ATP5PO: variants seen among roughly 807,000 people sequenced by gnomAD.
ATP5PO encodes the protein ATP synthase peripheral stalk subunit OSCP, also known as ATP synthase peripheral stalk subunit OSCP, mitochondrial.
In ATP5PO, 14 loss-of-function variants were observed where a neutral mutation model predicts 26.2. The ratio of observed to expected loss-of-function variants is 0.53; its 90% CI spans 0.35 to 0.83. The LOEUF (loss-of-function observed/expected upper bound fraction) is 0.83, where lower values mean the gene tolerates loss of function less well. ATP5PO is among the 40% of genes least tolerant of loss of function. The pLI, the probability that ATP5PO is intolerant of heterozygous loss-of-function variation, is 0.01. For synonymous variants in ATP5PO, 106 were observed against 95.1 expected (o/e 1.12, Z -0.67); for missense variants, 241 against 258.5 (o/e 0.93, Z 0.46).
chr21:33,910,111 A>T (rs930122197), intron 3 of ATP5PO, among the ~76,000 whole-genome samples: 6 of 152,234 alleles, frequency 3.9e-5, no homozygotes, highest in African/African-American at 1.4e-4. Context: ...TCAGTGACCA[A>T]GTGCAGCTTC....
rs1234927044 is a variant in ATP5PO, at chr21:33,912,402, T to TA, written c.88-4_88-3insT. 1.2e-6 allele frequency: 2 copies of TA among 1,602,748 alleles called. No homozygotes were observed. Among genetic ancestry groups the TA allele is most frequent in the African/African-American group, 2.7e-5 (2 of 74,730 alleles). On this transcript the variant is annotated splice_polypyrimidine_tract_variant and splice_region_variant and intron_variant, in intron 2 of 6. Coordinates refer to ENST00000290299, the MANE Select transcript of ATP5PO (RefSeq NM_001697.3). Reference sequence around the variant, plus strand: ...ATACCGTATACCTGAACAGGAGGCTTTAAAAAAAAGGTGAAATAGGAGAGG... The same window carrying TA: ...ATACCGTATACCTGAACAGGAGGCTTATAAAAAAAAGGTGAAATAGGAGAGG...
Position 33,903,499 on chromosome 21 carries a change from T to C in ATP5PO, c.*27A>G. 1.3e-6 allele frequency: 2 copies of C among 1,587,190 alleles called. No homozygotes were observed. The highest frequency in any genetic ancestry group is 1.7e-6 in the Non-Finnish European group (2 of 1,158,368). On this transcript the variant is annotated 3_prime_UTR_variant, in exon 7 of 7. Coordinates refer to ENST00000290299, the MANE Select transcript of ATP5PO (RefSeq NM_001697.3). The stretch of plus-strand genomic sequence containing the variant: ...TATTGTTGCTCCAAGTTTAAGAATT[T>C]TCACTGATGGCAGAAAACCAACACT...
intron 5 of ATP5PO, 127 bp downstream of exon 5, chr21:33,907,210 GAAAC>G (rs752235794): frequency 5.6e-5 from 43 of 770,662 alleles, no homozygotes; most frequent in Non-Finnish European, 8.5e-5. Context: ...ATATAAAAAT[GAAAC>G]AAACATCCCA....
chr21:33,915,485 TC>T, intron 1 of ATP5PO: 1 of 567,004 alleles, frequency 1.8e-6, no homozygotes, highest in Non-Finnish European at 3.0e-6. Flanking sequence ...GCTAGCAGCT[TC>T]CAGGGGCTGT....
chr21:33,909,072 T>G lies in ATP5PO; in HGVS notation c.328+10A>C, dbSNP rs781375595. ...CAAGACACCTCAAATGAAAAAGTTC[T>G]AATACTCACTGATCAGATTGGTAGT... On this transcript the variant is annotated intron_variant, in intron 4 of 6. Transcript: ENST00000290299. 3.2e-5 allele frequency: 51 copies of G among 1,599,396 alleles called. 1 individual carries two copies. Among genetic ancestry groups the G allele is most frequent in the Non-Finnish European group, 4.0e-5 (47 of 1,172,414 alleles).
intron 4 of ATP5PO, 26 bp from the exon 5 acceptor site, chr21:33,907,479 A>G: frequency 6.3e-7 from 1 of 1,576,626 alleles, no homozygotes. Context: ...TGTCTCAGTA[A>G]CAAGAAACTC....
In ATP5PO at chr21:33,915,713, C is replaced by A. The variant is rs770992501; in HGVS notation, c.36+15G>T. The A allele has an allele frequency of 3.8e-6, 6 of 1,569,750 alleles. No individual in the cohort carries two copies. In the South Asian group the frequency reaches 5.9e-5, roughly 15 times the overall value. ...GGGATCCTCCCACTGGCTCTCAGGA[C>A]CACCTTTCTCTCACCTGCCGGGAGA... On this transcript the variant is annotated intron_variant, in intron 1 of 6. Coordinates refer to ENST00000290299, the MANE Select transcript of ATP5PO (RefSeq NM_001697.3).
Position 33,915,783 on chromosome 21 carries a change from G to T in ATP5PO, c.-20C>A. 6.4e-7 allele frequency: 1 copy of T among 1,562,404 alleles called. No homozygotes were observed. The highest frequency in any genetic ancestry group is 2.4e-5 in the East Asian group (1 of 42,390). On this transcript the variant is annotated 5_prime_UTR_variant, in exon 1 of 7. Transcript: ENST00000290299. Reference sequence around the variant, plus strand: ...AGCCATCTTCTCCCGGGCGGCTGTAGGTCAAACCCGAGTGGGAAGAGAGAA... The same window carrying T: ...AGCCATCTTCTCCCGGGCGGCTGTATGTCAAACCCGAGTGGGAAGAGAGAA...
intron 1 of ATP5PO, 159 bp downstream of exon 1, chr21:33,915,569 C>A: frequency 8.8e-7 from 1 of 1,134,572 alleles, no homozygotes; most frequent in Non-Finnish European, 1.2e-6. Context: ...GGGGGACAAA[C>A]GCTGGGTCGT....
intron 4 of ATP5PO, 135 bp from the exon 5 acceptor site, chr21:33,907,588 C>G: frequency 1.5e-6 from 1 of 671,722 alleles, no homozygotes; most frequent in Non-Finnish European, 2.6e-6. Context: ...TGCCTATAAT[C>G]CCAACTACTG....
In ATP5PO at chr21:33,915,732, C is replaced by A. The variant is rs767350855; in HGVS notation, c.32G>T (p.Arg11Leu). 7.6e-6 allele frequency: 12 copies of A among 1,574,424 alleles called. No individual in the cohort carries two copies. The highest frequency in any genetic ancestry group is 8.6e-6 in the Non-Finnish European group (10 of 1,160,010). Residue 11 changes from arginine (R) to leucine (L), a missense_variant, in exon 1 of 7, where the codon CGG (arginine) becomes CTG (leucine). Physicochemically the swap from Arg to Leu is moderately radical, Grantham distance 102. Coordinates refer to ENST00000290299, the MANE Select transcript of ATP5PO (RefSeq NM_001697.3). ...TCAGGACCACCTTTCTCTCACCTGC[C>A]GGGAGAGCCCGGACACTGCTGGGGC... MAAPAVSGLS[R>L]QVRCFSTSVV...
chr21:33,906,471 A>C, intron 5 of ATP5PO: 1 of 339,788 alleles, frequency 2.9e-6, no homozygotes, highest in Non-Finnish European at 5.8e-6. Context: ...TGGGCAAGCG[A>C]CTTCATCTCC....
At chr21:33,906,539 A>C (rs1602770482) in intron 5 of ATP5PO, 2 of 358,196 alleles carry the variant, frequency 5.6e-6, no homozygotes, top group East Asian at 1.6e-4. Context: ...TCTCACATGA[A>C]TCTTTTGATA....
rs1033135193 is a variant in ATP5PO at position 33,907,568 on chromosome 21, C to G, written c.329-115G>C. The G allele has an allele frequency of 3.7e-6, 3 of 811,228 alleles. No homozygotes were observed. The African/African-American group carries it at 5.1e-5, about 14-fold the overall frequency. 50.3% of individuals were successfully genotyped at this position (811,228 alleles called of 1,614,324 possible). ...ATTTGTGGCCTTAAAACACCATATA[C>G]AGGGGCGCATGCCTATAATCCCAAC... On this transcript the variant is annotated intron_variant, in intron 4 of 6. Coordinates refer to ENST00000290299, the MANE Select transcript of ATP5PO (RefSeq NM_001697.3).
rs763837966 is a variant in ATP5PO at position 33,912,316 on chromosome 21, T to C, written c.171A>G (p.Gln57=). ...SAASKQNKLE[Q]VEKELLRVAQ... is the part of the protein sequence containing the mutation. ...CTACTCTCAACAACTCCTTTTCTAC[T>C]TGCTCCAGCTTATTCTGTTTTGATG... is the stretch of plus-strand genomic sequence containing the variant. Residue 57 remains glutamine, a synonymous_variant, in exon 3 of 7, where the codon CAA becomes CAG. Transcript: ENST00000290299. The C allele has an allele frequency of 1.9e-6, 3 of 1,613,312 alleles. No homozygotes were observed. Among genetic ancestry groups the C allele is most frequent in the Non-Finnish European group, 2.5e-6 (3 of 1,179,510 alleles).
At chr21:33,911,384 C>T (rs932684654) in intron 3 of ATP5PO, among the ~76,000 whole-genome samples, 12 of 152,252 alleles carry the variant, frequency 7.9e-5, no homozygotes, top group Non-Finnish European at 1.3e-4. Flanking sequence ...TGCTGCCCAG[C>T]GCGCCCCACC....
At chr21:33,912,438 G>A in intron 2 of ATP5PO, 39 bp from the exon 3 acceptor site, 1 of 1,451,780 alleles carries the variant, frequency 6.9e-7, no homozygotes, top group Non-Finnish European at 9.6e-7. Flanking sequence ...AAAGAAAAAG[G>A]AAAATCAGTT....
intron 1 of ATP5PO, chr21:33,915,112 T>C (rs1987297137): frequency 6.5e-6 from 1 of 153,334 alleles, no homozygotes; most frequent in Non-Finnish European, 1.5e-5. Context: ...GATTAAGACT[T>C]TTTAATGCTT....
At chr21:33,911,265 T>G (rs1453228742) in intron 3 of ATP5PO, among the ~76,000 whole-genome samples, 1 of 152,238 alleles carries the variant, frequency 6.6e-6, no homozygotes, top group Non-Finnish European at 1.5e-5. Flanking sequence ...TTATTTATTC[T>G]GCTTTTCATG....
Sources: gnomAD v4.1 joint callset for allele counts (sites outside exome capture counted in the v4.1 genomes callset) on GRCh38, gnomAD v4.1.1 for gene constraint, MANE v1.5 for transcripts, NCBI Gene and HGNC (gene_info 2026-07-23, HGNC 2026-07-21) for gene names.